Variants in RAPGEF4 observed in about 807,000 individuals in gnomAD.
The protein encoded by RAPGEF4 is RAP guanine-nucleotide-exchange factor (GEF) 4.
In RAPGEF4, 66 loss-of-function variants were observed where a neutral mutation model predicts 147.9. The observed-to-expected ratio is 0.45, with a 90% CI of 0.37 to 0.55. The LOEUF (loss-of-function observed/expected upper bound fraction) is 0.55. Among genes scored for constraint, RAPGEF4 ranks in the 20% least tolerant of loss-of-function variants. The pLI, the probability that RAPGEF4 is intolerant of heterozygous loss-of-function variation, is 0.00. For missense variants in RAPGEF4, 1,071 were observed against 1,257.3 expected (o/e 0.85, Z 2.24); for synonymous variants, 419 against 442.7 (o/e 0.95, Z 0.67).
At chr2:172,852,815 T>A (rs1018586381) in intron 4 of RAPGEF4, among the ~76,000 whole-genome samples, 2 of 152,136 alleles carry the variant, frequency 1.3e-5, no homozygotes, top group Non-Finnish European at 2.9e-5. Context: ...AGAGTTTTTT[T>A]AAAAATCACA....
chr2:172,953,879 C>G (rs1284448745), intron 6 of RAPGEF4, among the ~76,000 whole-genome samples: 3 of 152,222 alleles, frequency 2.0e-5, no homozygotes, highest in South Asian at 2.1e-4. Flanking sequence ...TTTGACTGGT[C>G]AAGACAAATT....
chr2:172,917,592 G>A (rs1357539816), intron 4 of RAPGEF4: 13 of 682,716 alleles, frequency 1.9e-5, no homozygotes, highest in African/African-American at 1.8e-5. Flanking sequence ...CCCTGCCCCC[G>A]GGCACATTCA....
chr2:172,912,285 A>T (rs902740113), intron 4 of RAPGEF4, among the ~76,000 whole-genome samples: 1 of 152,246 alleles, frequency 6.6e-6, no homozygotes, highest in South Asian at 2.1e-4. Context: ...GTATCAATTT[A>T]TCATCCATTT....
At chr2:172,962,768 G>A (rs1689427742) in intron 8 of RAPGEF4, among the ~76,000 whole-genome samples, 1 of 151,976 alleles carries the variant, frequency 6.6e-6, no homozygotes, top group South Asian at 2.1e-4. Context: ...CCATCTCTTA[G>A]GACAGATTGA....
At chr2:172,987,049 A>G (rs989349236) in intron 12 of RAPGEF4, among the ~76,000 whole-genome samples, 2 of 152,276 alleles carry the variant, frequency 1.3e-5, no homozygotes, top group South Asian at 2.1e-4. Flanking sequence ...GCAGTGGCTC[A>G]TGTCTGTAAT....
chr2:172,970,091 A>G (rs1450214169), intron 10 of RAPGEF4, among the ~76,000 whole-genome samples: 2 of 152,102 alleles, frequency 1.3e-5, no homozygotes, highest in Non-Finnish European at 1.5e-5. Context: ...TGCTGAAATA[A>G]CAGCTCCCGA....
At chr2:172,791,288 AG>A (rs1685800159) in intron 1 of RAPGEF4, among the ~76,000 whole-genome samples, 2 of 152,186 alleles carry the variant, frequency 1.3e-5, no homozygotes, top group South Asian at 2.1e-4. Flanking sequence ...CATGGAAATA[AG>A]GGGGGCAGGT....
rs530761070 is a variant in RAPGEF4 at position 172,951,856 on chromosome 2, G to A, written c.538-8904G>A. On this transcript the variant is annotated intron_variant, in intron 6 of 30. Coordinates refer to ENST00000397081, the MANE Select transcript of RAPGEF4 (RefSeq NM_007023.4). ...CTGATCTATGTTTTTATAGGATCATGCGGCTATGGGGTTGATGATGTTGGG... is the reference window on the plus strand; with the variant it reads ...CTGATCTATGTTTTTATAGGATCATACGGCTATGGGGTTGATGATGTTGGG... Among the ~76,000 whole-genome samples the A allele has an allele frequency of 3.9e-5, 6 of 152,294 alleles. No homozygotes were observed. The East Asian group carries it at 9.6e-4, about 24-fold the overall frequency.
chr2:172,766,127 ATTTT>A (rs898383444), intron 1 of RAPGEF4, among the ~76,000 whole-genome samples: 1 of 151,304 alleles, frequency 6.6e-6, no homozygotes, highest in Non-Finnish European at 1.5e-5. Context: ...ATGATATCTT[ATTTT>A]TTTTTAAGTT....
chr2:172,935,758 A>G (rs529991740), intron 6 of RAPGEF4, among the ~76,000 whole-genome samples: 1 of 152,358 alleles, frequency 6.6e-6, no homozygotes, highest in South Asian at 2.1e-4. Flanking sequence ...CTTAACATAT[A>G]TGATGTGGAG....
At chr2:172,955,507 C>G (rs775379331) in intron 6 of RAPGEF4, among the ~76,000 whole-genome samples, 2 of 152,188 alleles carry the variant, frequency 1.3e-5, no homozygotes, top group African/African-American at 2.4e-5. Flanking sequence ...ATCTGTCCCC[C>G]CTGCCTCGCG....
At chr2:173,008,966 T>TCC (rs1694756764) in intron 17 of RAPGEF4, among the ~76,000 whole-genome samples, 2 of 152,326 alleles carry the variant, frequency 1.3e-5, no homozygotes, top group African/African-American at 4.8e-5. Flanking sequence ...GGCCTTCACC[T>TCC]CTTCTGATTC....
chr2:172,965,291 C>T (rs569566874), intron 8 of RAPGEF4: 8 of 416,258 alleles, frequency 1.9e-5, no homozygotes, highest in South Asian at 4.2e-5. Context: ...CCCCCTCTAG[C>T]GGCCCCCTGG....
intron 4 of RAPGEF4, among the ~76,000 whole-genome samples, chr2:172,861,987 T>C (rs1373334985): frequency 6.6e-6 from 1 of 152,112 alleles, no homozygotes; most frequent in Non-Finnish European, 1.5e-5. Flanking sequence ...TTTCAAAGAG[T>C]CTTTGTCGAA....
intron 1 of RAPGEF4, among the ~76,000 whole-genome samples, chr2:172,771,682 C>T (rs905845880): frequency 6.6e-6 from 1 of 152,116 alleles, no homozygotes; most frequent in African/African-American, 2.4e-5. Flanking sequence ...TGGGCACAAG[C>T]AGTCCTCCCA....
chr2:172,956,738 G>A (rs143105494), intron 6 of RAPGEF4, among the ~76,000 whole-genome samples: 2,194 of 152,272 alleles, frequency 0.014, 28 homozygotes, highest in African/African-American at 0.032. Context: ...CCAAAGTGCC[G>A]GGATTACAGG....
chr2:172,984,839 A>G (rs576226649), intron 11 of RAPGEF4, among the ~76,000 whole-genome samples: 1 of 152,302 alleles, frequency 6.6e-6, no homozygotes, highest in East Asian at 1.9e-4. Context: ...AACCCCAGGT[A>G]CCCAGGCATA....
At chr2:172,763,754 G>A (rs1434909207) in intron 1 of RAPGEF4, among the ~76,000 whole-genome samples, 1 of 152,080 alleles carries the variant, frequency 6.6e-6, no homozygotes, top group Non-Finnish European at 1.5e-5. Flanking sequence ...GAAGGAATTT[G>A]TTATAAATAA....
chr2:172,814,170 A>G (rs892707116), intron 3 of RAPGEF4, 109 bp from the exon 4 acceptor site: 2 of 1,099,564 alleles, frequency 1.8e-6, no homozygotes, highest in African/African-American at 1.6e-5. Flanking sequence ...GAACTATGCA[A>G]TTAAATTGGG....
Sources: gnomAD v4.1 joint callset for allele counts (sites outside exome capture counted in the v4.1 genomes callset) on GRCh38, gnomAD v4.1.1 for gene constraint, MANE v1.5 for transcripts, NCBI Gene and HGNC (gene_info 2026-07-23, HGNC 2026-07-21) for gene names.